INPP4B: variants seen among roughly 807,000 people sequenced by gnomAD.
The protein encoded by INPP4B is inositol polyphosphate-4-phosphatase type II B.
Under a neutral mutation model 122.5 loss-of-function variants are expected in INPP4B, and 55 were observed. That is an observed-to-expected ratio of 0.45 (90% CI 0.36 to 0.56). INPP4B has a LOEUF of 0.56. INPP4B is among the 20% of genes least tolerant of loss of function. INPP4B has a pLI of 0.00. For missense variants in INPP4B, 1,000 were observed against 1,097.7 expected (o/e 0.91, Z 1.26); for synonymous variants, 403 against 388.7 (o/e 1.04, Z -0.43).
chr4:142,750,718 C>T (rs1462241268), intron 1 of INPP4B, among the ~76,000 whole-genome samples: 1 of 152,004 alleles, frequency 6.6e-6, no homozygotes, highest in Non-Finnish European at 1.5e-5. Flanking sequence ...TTACAAGGGC[C>T]CCTTGGCAGA....
rs550635209 is a variant in INPP4B, at chr4:142,655,802, C to T, written c.-191+70037G>A. 1.9e-3 allele frequency among the ~76,000 whole-genome samples: 285 copies of T among 152,264 alleles called. 1 individual carries two copies. Among genetic ancestry groups the T allele is most frequent in the Non-Finnish European group, 3.3e-3 (223 of 68,002 alleles). On this transcript the variant is annotated intron_variant, in intron 2 of 25. Transcript: ENST00000262992. ...CATTATTCCTTTTAAAGTCCAACTACTCTAATTTATTTTCTATTTTTACTT... is the reference window on the plus strand; with the variant it reads ...CATTATTCCTTTTAAAGTCCAACTATTCTAATTTATTTTCTATTTTTACTT...
At chr4:142,560,847 A>G (rs148118210) in intron 2 of INPP4B, among the ~76,000 whole-genome samples, 46 of 152,316 alleles carry the variant, frequency 3.0e-4, no homozygotes, top group African/African-American at 1.0e-3. Context: ...ACACTCCCAC[A>G]GACACACCCA....
intron 8 of INPP4B, among the ~76,000 whole-genome samples, chr4:142,308,230 G>A (rs1216409482): frequency 2.0e-5 from 3 of 152,102 alleles, no homozygotes; most frequent in Non-Finnish European, 2.9e-5. Context: ...GATCTCAAAG[G>A]ATAATGAAAA....
rs116775999 is a variant in INPP4B at position 142,227,499 on chromosome 4, G to A, written c.836+10365C>T. 4.7e-3 allele frequency among the ~76,000 whole-genome samples: 722 copies of A among 152,166 alleles called. 10 individuals are homozygous for A. Among genetic ancestry groups the A allele is most frequent in the African/African-American group, 0.017 (690 of 41,518 alleles). On this transcript the variant is annotated intron_variant, in intron 12 of 25. Coordinates refer to ENST00000262992, the MANE Select transcript of INPP4B (RefSeq NM_001101669.3). ...ATATAATTGATAATTTTAAGTTAAT[G>A]AAAGTTATTACAGCTTTTTACATCT...
At chr4:142,261,114 G>C (rs146853726) in intron 10 of INPP4B, among the ~76,000 whole-genome samples, 9 of 152,306 alleles carry the variant, frequency 5.9e-5, no homozygotes, top group Non-Finnish European at 8.8e-5. Context: ...AATTGATTAA[G>C]CTCCTGACCT....
intron 8 of INPP4B, among the ~76,000 whole-genome samples, chr4:142,311,176 T>G (rs1321400585): frequency 6.6e-6 from 1 of 152,148 alleles, no homozygotes; most frequent in Admixed American, 6.5e-5. Flanking sequence ...AAGGAAATAT[T>G]TTGAGGATTC....
chr4:142,254,962 G>A (rs567476290), intron 11 of INPP4B, among the ~76,000 whole-genome samples: 2 of 151,770 alleles, frequency 1.3e-5, no homozygotes, highest in Non-Finnish European at 2.9e-5. Context: ...GAGAAAGGTC[G>A]GGTTACCCTC....
At chr4:142,069,892 A>C (rs1466376899) in intron 25 of INPP4B, among the ~76,000 whole-genome samples, 2 of 152,100 alleles carry the variant, frequency 1.3e-5, no homozygotes, top group African/African-American at 4.8e-5. Flanking sequence ...CACAGCCAAA[A>C]TCTACCAGAG....
At chr4:142,369,000 G>T (rs1162999561) in intron 7 of INPP4B, among the ~76,000 whole-genome samples, 2 of 152,034 alleles carry the variant, frequency 1.3e-5, no homozygotes, top group African/African-American at 2.4e-5. Context: ...GGTAAGAGGA[G>T]GAGGAGGAGA....
chr4:142,520,737 A>G (rs1304850456), intron 2 of INPP4B, among the ~76,000 whole-genome samples: 2 of 151,956 alleles, frequency 1.3e-5, no homozygotes, highest in African/African-American at 4.8e-5. Context: ...AATCTGATGC[A>G]CTGAATTTTA....
At chr4:142,709,244 G>A (rs1762827754) in intron 2 of INPP4B, among the ~76,000 whole-genome samples, 1 of 152,106 alleles carries the variant, frequency 6.6e-6, no homozygotes, top group Non-Finnish European at 1.5e-5. Context: ...GCTCATAGGT[G>A]GAAAGGACTT....
chr4:142,151,427 T>A, intron 17 of INPP4B, among the ~76,000 whole-genome samples: 1 of 152,204 alleles, frequency 6.6e-6, no homozygotes, highest in South Asian at 2.1e-4. Context: ...TATTTCCTTA[T>A]GTAAAAATAC....
At chr4:142,093,001 A>G (rs6537100) in intron 23 of INPP4B, among the ~76,000 whole-genome samples, 39,082 of 152,006 alleles carry the variant, frequency 0.26, 5,075 homozygotes, top group East Asian at 0.3. Context: ...GAAGTATGAC[A>G]GAAGTAATGA....
chr4:142,320,952 A>C (rs559276217), intron 7 of INPP4B, among the ~76,000 whole-genome samples: 3 of 152,156 alleles, frequency 2.0e-5, no homozygotes, highest in Non-Finnish European at 4.4e-5. Context: ...TGTCTTTTTC[A>C]TATGACTCCT....
intron 2 of INPP4B, among the ~76,000 whole-genome samples, chr4:142,485,306 C>T (rs894576405): frequency 6.6e-6 from 1 of 151,978 alleles, no homozygotes; most frequent in Non-Finnish European, 1.5e-5. Context: ...ACCAACCAAC[C>T]AACCTTAAGT....
chr4:142,675,507 T>C (rs1409615004), intron 2 of INPP4B, among the ~76,000 whole-genome samples: 1 of 151,684 alleles, frequency 6.6e-6, no homozygotes, highest in Non-Finnish European at 1.5e-5. Context: ...TATGAGGCCA[T>C]TATCCTGATA....
chr4:142,402,970 C>T lies in INPP4B; in HGVS notation c.340G>A (p.Val114Ile). 6.3e-7 allele frequency: 1 copy of T among 1,589,518 alleles called. No homozygotes were observed. The stretch of plus-strand genomic sequence containing the variant: ...TGAGACTTATCCTTGACATCATAGA[C>T]TGTTAGTTTTATTTTGGTCTCCTCA... Reference protein sequence around the residue: ...IYEETKIKLTVYDVKDKSHDT... With the variant: ...IYEETKIKLTIYDVKDKSHDT... The change falls in exon 7 of 26, where the codon GTC becomes ATC. Residue 114 changes from valine (V) to isoleucine (I), a missense_variant. Val to Ile is a conservative substitution (Grantham distance 29). Coordinates refer to ENST00000262992, the MANE Select transcript of INPP4B (RefSeq NM_001101669.3).
At chr4:142,562,163 T>C (rs1391478539) in intron 2 of INPP4B, among the ~76,000 whole-genome samples, 1 of 152,214 alleles carries the variant, frequency 6.6e-6, no homozygotes, top group African/African-American at 2.4e-5. Context: ...TACATCATTT[T>C]GCTTTAAGTG....
chr4:142,774,877 T>C (rs1773617766), intron 1 of INPP4B, among the ~76,000 whole-genome samples: 1 of 152,074 alleles, frequency 6.6e-6, no homozygotes, highest in Non-Finnish European at 1.5e-5. Context: ...ATATAATATA[T>C]TAACTAAAGT....
Sources: gnomAD v4.1 joint callset for allele counts (sites outside exome capture counted in the v4.1 genomes callset) on GRCh38, gnomAD v4.1.1 for gene constraint, MANE v1.5 for transcripts, NCBI Gene and HGNC (gene_info 2026-07-23, HGNC 2026-07-21) for gene names.